The following DCPS variants were observed in gnomAD, a reference collection of about 807,000 sequenced individuals.
DCPS encodes the protein decapping enzyme, scavenger.
Under a neutral mutation model 34.7 loss-of-function variants are expected in DCPS, and 27 were observed. That is an observed-to-expected ratio of 0.78 (90% CI 0.57 to 1.07). The LOEUF is 1.07. Ranked by LOEUF, DCPS falls within the 50% of genes least tolerant of loss-of-function variation. The pLI, the probability that DCPS is intolerant of heterozygous loss-of-function variation, is 0.00. For synonymous variants in DCPS, 185 were observed against 185.7 expected, an observed-to-expected ratio of 1.00 and a Z score of 0.03; for missense variants, 464 against 436.9, an observed-to-expected ratio of 1.06 and a Z score of -0.55.
At position 126,347,223 on chromosome 11, in the gene DCPS, CTTTT is replaced by C. The variant is rs1229980101; in HGVS notation, c.*1627_*1630del. Among the ~76,000 whole-genome samples the C allele has an allele frequency of 1.5e-4, 19 of 122,740 alleles. No homozygotes were observed. The highest frequency in any genetic ancestry group is 2.8e-4 in the South Asian group (1 of 3,562). The allele number at this position is 122,740 out of a possible 152,430, so 80.5% of individuals were successfully genotyped here. Reference sequence around the variant, plus strand: ...CACTCAGCCATTCTTCCCTGCAGCTCTTTTTTTTTTTTTTTTTTTTGAGACAATC... The same window carrying C: ...CACTCAGCCATTCTTCCCTGCAGCTCTTTTTTTTTTTTTTTTGAGACAATC... On this transcript the variant is annotated 3_prime_UTR_variant, in exon 6 of 6. Coordinates refer to ENST00000263579, the MANE Select transcript of DCPS (RefSeq NM_014026.6). This position sits in a 1 kb window ranked among gnomAD's most constrained non-coding sequence, Gnocchi z 4.2.
Position 126,338,965 on chromosome 11 carries a change from G to A in DCPS, c.636+566G>A, listed in dbSNP as rs914591607. Among the ~76,000 whole-genome samples, 6 of 152,202 alleles carry A rather than the reference G, an allele frequency of 3.9e-5. No homozygotes were observed. The highest frequency in any genetic ancestry group is 7.3e-5 in the Non-Finnish European group (5 of 68,034). ...CTAAGGAGCAGGTTTGGGAGGAGCC[G>A]TCCTCCCTCACAGGTATCCCTTTCC... On this transcript the variant is annotated intron_variant, in intron 4 of 5. Coordinates refer to ENST00000263579, the MANE Select transcript of DCPS (RefSeq NM_014026.6). This position sits in a 1 kb window ranked among gnomAD's most constrained non-coding sequence, Gnocchi z 5.4.
intron 4 of DCPS, among the ~76,000 whole-genome samples, chr11:126,340,099 A>G (rs1467662929): frequency 6.6e-6 from 1 of 152,114 alleles, no homozygotes; most frequent in Non-Finnish European, 1.5e-5. Flanking sequence ...GAGAAGAGAA[A>G]TCTGCCGTCC....
In DCPS at chr11:126,328,925, CAGG is replaced by C. The variant is rs370523222; in HGVS notation, c.377-2477_377-2475del. Among the ~76,000 whole-genome samples the C allele has an allele frequency of 6.6e-5, 10 of 152,338 alleles. No individual in the cohort carries two copies. The highest frequency in any genetic ancestry group is 2.4e-4 in the African/African-American group (10 of 41,580). ...TATTGTTACCCCAGATTGTAGAAGT[CAGG>C]AGACTGAAGCCACAGACAGTGTCAG... On this transcript the variant is annotated intron_variant, in intron 2 of 5. Transcript: ENST00000263579. The surrounding 1 kb of genome is among the most constrained non-coding windows in gnomAD (Gnocchi z 6.6).
At position 126,304,270 on chromosome 11, in the gene DCPS, C is replaced by T; in HGVS notation, c.190C>T (p.Leu64=). The part of the protein sequence containing the change: ...RESARDKIIF[L]HGKVNEASGD... Reference sequence around the variant, plus strand: ...GTCTGCGCGGGACAAAATCATTTTCCTACACGGGAAGGTACCAGGAGGCAA... The same window carrying T: ...GTCTGCGCGGGACAAAATCATTTTCTTACACGGGAAGGTACCAGGAGGCAA... Residue 64 remains leucine, a synonymous_variant, in exon 1 of 6, where the codon CTA becomes TTA. Transcript: ENST00000263579. The T allele has an allele frequency of 6.2e-7, 1 of 1,614,140 alleles. No homozygotes were observed. The highest frequency in any genetic ancestry group is 8.5e-7 in the Non-Finnish European group (1 of 1,180,012).
Position 126,331,831 on chromosome 11 carries a change from C to G in DCPS, c.522+281C>G, listed in dbSNP as rs911551785. Among the ~76,000 whole-genome samples the G allele has an allele frequency of 6.6e-6, 1 of 152,102 alleles. No individual in the cohort carries two copies. The highest frequency in any genetic ancestry group is 1.9e-4 in the East Asian group (1 of 5,178). On this transcript the variant is annotated intron_variant, in intron 3 of 5. Coordinates refer to ENST00000263579, the MANE Select transcript of DCPS (RefSeq NM_014026.6). This position sits in a 1 kb window ranked among gnomAD's most constrained non-coding sequence, Gnocchi z 7.2. ...AGACAGGATAAGTGGGACCAGAAGG[C>G]CTGGGGCGGGCAATTGCCATTTTAT...
chr11:126,343,557 T>C, intron 5 of DCPS, 140 bp downstream of exon 5: 1 of 741,280 alleles, frequency 1.3e-6, no homozygotes, highest in East Asian at 2.7e-5. Context: ...GGGGACCCCA[T>C]TAGGCTCTTG....
Position 126,312,202 on chromosome 11 carries a change from A to G in DCPS, c.376+5458A>G, listed in dbSNP as rs1373547761. Among the ~76,000 whole-genome samples, 1 of 152,154 alleles carries G rather than the reference A, an allele frequency of 6.6e-6. No individual in the cohort carries two copies. Among genetic ancestry groups the G allele is most frequent in the Non-Finnish European group, 1.5e-5 (1 of 68,030 alleles). ...TGCCTCGGCCTCCCAGAGTGCTGAG[A>G]GTACAGGCGTGAGCCACCGCATCTG... On this transcript the variant is annotated intron_variant, in intron 2 of 5. Transcript: ENST00000263579. The surrounding 1 kb of genome is among the most constrained non-coding windows in gnomAD (Gnocchi z 5.1).
In DCPS at chr11:126,329,812, T is replaced by G. The variant is rs1052393315; in HGVS notation, c.377-1593T>G. ...ATATGAAAGTATAGGTTGATAGTTC[T>G]TAGCCGGGTTTTGCGGTGTGTGAGT... On this transcript the variant is annotated intron_variant, in intron 2 of 5. Coordinates refer to ENST00000263579, the MANE Select transcript of DCPS (RefSeq NM_014026.6). The surrounding 1 kb of genome is among the most constrained non-coding windows in gnomAD (Gnocchi z 5.0). Among the ~76,000 whole-genome samples the G allele has an allele frequency of 6.6e-6, 1 of 152,198 alleles. No homozygotes were observed. Among genetic ancestry groups the G allele is most frequent in the Non-Finnish European group, 1.5e-5 (1 of 68,040 alleles).
intron 2 of DCPS, among the ~76,000 whole-genome samples, chr11:126,326,903 A>G (rs1951744776): frequency 6.6e-6 from 1 of 151,590 alleles, no homozygotes; most frequent in Non-Finnish European, 1.5e-5. Context: ...AGCCTGGGCG[A>G]CAGAGCGAGA....
chr11:126,326,224 C>T (rs1334783398), intron 2 of DCPS, among the ~76,000 whole-genome samples: 3 of 152,184 alleles, frequency 2.0e-5, no homozygotes, highest in Admixed American at 6.5e-5. Context: ...AGGGGTGTTG[C>T]CAGGTATCAC....
rs139354381 is a variant in DCPS, at chr11:126,345,612, G to A, written c.1013G>A (p.Ter338=). 9,235 of 1,611,994 alleles carry A rather than the reference G, an allele frequency of 5.7e-3. 48 individuals carry two copies. The highest frequency in any genetic ancestry group is 6.4e-3 in the Non-Finnish European group (7,545 of 1,179,404). Residue 338 remains the stop codon, a stop_retained_variant, in exon 6 of 6, where the codon TGA becomes TAA. Transcript: ENST00000263579. The surrounding 1 kb of genome is among the most constrained non-coding windows in gnomAD (Gnocchi z 7.4). ...LKLLQEAQQS[*] ...CTCTTGCAGGAGGCTCAGCAAAGCT[G>A]AATTAACTCAGGCAGAAGAGCACAG... is the stretch of plus-strand genomic sequence containing the variant.
intron 2 of DCPS, 114 bp downstream of exon 2, chr11:126,306,858 G>A: frequency 8.0e-7 from 1 of 1,248,680 alleles, no homozygotes. Flanking sequence ...GTACAATAGG[G>A]AGATTACTTC....
At position 126,319,457 on chromosome 11, in the gene DCPS, A is replaced by G. The variant is rs1044456358; in HGVS notation, c.377-11948A>G. ...CTGTCCCGCAGCATTTGGCCACAGTATCCCCTGGTAAGGCTGTCCTCACAC... is the reference window on the plus strand; with the variant it reads ...CTGTCCCGCAGCATTTGGCCACAGTGTCCCCTGGTAAGGCTGTCCTCACAC... On this transcript the variant is annotated intron_variant, in intron 2 of 5. Coordinates refer to ENST00000263579, the MANE Select transcript of DCPS (RefSeq NM_014026.6). This position sits in a 1 kb window ranked among gnomAD's most constrained non-coding sequence, Gnocchi z 4.5. Among the ~76,000 whole-genome samples, 6 of 152,100 alleles carry G rather than the reference A, an allele frequency of 3.9e-5. No individual in the cohort carries two copies. The highest frequency in any genetic ancestry group is 5.9e-5 in the Non-Finnish European group (4 of 68,022).
chr11:126,332,080 C>T lies in DCPS; in HGVS notation c.522+530C>T, dbSNP rs1951798059. Among the ~76,000 whole-genome samples, 1 of 152,232 alleles carries T rather than the reference C, an allele frequency of 6.6e-6. No individual in the cohort carries two copies. Among genetic ancestry groups the T allele is most frequent in the South Asian group, 2.1e-4 (1 of 4,836 alleles). ...TAAAAGGCTGATGTTGAGTGAGTCC[C>T]ACCCTGTCCAGACTCTTATTCCTGG... On this transcript the variant is annotated intron_variant, in intron 3 of 5. Coordinates refer to ENST00000263579, the MANE Select transcript of DCPS (RefSeq NM_014026.6). This position sits in a 1 kb window ranked among gnomAD's most constrained non-coding sequence, Gnocchi z 5.4.
chr11:126,342,713 G>A lies in DCPS; in HGVS notation c.637-594G>A, dbSNP rs55895321. 0.023 allele frequency among the ~76,000 whole-genome samples: 3,535 copies of A among 152,164 alleles called. 124 individuals are homozygous for A. The highest frequency in any genetic ancestry group is 0.08 in the African/African-American group (3,303 of 41,492). Reference sequence around the variant, plus strand: ...ACATGCGATAAGACTGTAAACTCTCGGAGGGAGAGAGTTGCCCTTGCTCTT... The same window carrying A: ...ACATGCGATAAGACTGTAAACTCTCAGAGGGAGAGAGTTGCCCTTGCTCTT... On this transcript the variant is annotated intron_variant, in intron 4 of 5. Transcript: ENST00000263579. The surrounding 1 kb of genome is among the most constrained non-coding windows in gnomAD (Gnocchi z 4.4).
rs902372594 is a variant in DCPS, at chr11:126,322,684, C to T, written c.377-8721C>T. On this transcript the variant is annotated intron_variant, in intron 2 of 5. Transcript: ENST00000263579. The surrounding 1 kb of genome is among the most constrained non-coding windows in gnomAD (Gnocchi z 4.2). ...CTCGGCTCACTGCAACCTCCGCCTC[C>T]GAGGTTCAAGTGATTCTCCTGCCTC... 3.3e-5 allele frequency among the ~76,000 whole-genome samples: 5 copies of T among 152,168 alleles called. No homozygotes were observed. Among genetic ancestry groups the T allele is most frequent in the Middle Eastern group, 3.4e-3 (1 of 294 alleles).
At position 126,346,341 on chromosome 11, in the gene DCPS, A is replaced by G. The variant is rs1245679717; in HGVS notation, c.*728A>G. ...CTCACATGAAGCAGCCAGAAGATCA[A>G]GTGCAAAACAGTGAATCAGCAAGGG... On this transcript the variant is annotated 3_prime_UTR_variant, in exon 6 of 6. Coordinates refer to ENST00000263579, the MANE Select transcript of DCPS (RefSeq NM_014026.6). This position sits in a 1 kb window ranked among gnomAD's most constrained non-coding sequence, Gnocchi z 4.1. 6.6e-6 allele frequency among the ~76,000 whole-genome samples: 1 copy of G among 152,250 alleles called. No homozygotes were observed. The highest frequency in any genetic ancestry group is 2.4e-5 in the African/African-American group (1 of 41,462).
chr11:126,314,109 C>T (rs187126466), intron 2 of DCPS, among the ~76,000 whole-genome samples: 15 of 152,300 alleles, frequency 9.8e-5, no homozygotes, highest in African/African-American at 1.7e-4. Flanking sequence ...CTGGGCCAGC[C>T]GCTTTTCTCC....
At chr11:126,304,431 G>A (rs1951546802) in intron 1 of DCPS, 150 bp downstream of exon 1, 3 of 859,024 alleles carry the variant, frequency 3.5e-6, no homozygotes, top group Non-Finnish European at 5.3e-6. Context: ...ATGCATAGAG[G>A]GGCGGTGAAA....
Sources: allele counts gnomAD v4.1 joint callset (sites outside exome capture counted in the v4.1 genomes callset), GRCh38; gene constraint gnomAD v4.1.1; non-coding constraint Gnocchi (gnomAD v3.1); transcripts MANE v1.5; gene names NCBI Gene and HGNC (gene_info 2026-07-23, HGNC 2026-07-21).